The following FNIP2 variants were observed in gnomAD, a reference collection of about 807,000 sequenced individuals.
The protein encoded by FNIP2 is folliculin interacting protein 2.
In FNIP2, 32 loss-of-function variants were observed where a neutral mutation model predicts 108.7. The observed-to-expected ratio is 0.29, with a 90% confidence interval of 0.22 to 0.40. The LOEUF (loss-of-function observed/expected upper bound fraction) is 0.40. Among genes scored for constraint, FNIP2 ranks in the 10% least tolerant of loss-of-function variants. FNIP2 has a pLI of 1.00. For synonymous variants in FNIP2, 480 were observed against 496.7 expected (o/e 0.97, Z 0.45); for missense variants, 1,202 against 1,381.6 (o/e 0.87, Z 2.06).
At chr4:158,893,748 A>G (rs1782444209) in intron 15 of FNIP2, 1 of 1,492,044 alleles carries the variant, frequency 6.7e-7, no homozygotes, top group Non-Finnish European at 9.2e-7. Flanking sequence ...ATTAGACTTC[A>G]TAGTTTACTT....
intron 14 of FNIP2, among the ~76,000 whole-genome samples, chr4:158,877,062 CCT>C (rs1430425917): frequency 6.6e-6 from 1 of 152,086 alleles, no homozygotes; most frequent in East Asian, 1.9e-4. Flanking sequence ...AGCTACCAAC[CCT>C]CTCTCATTTT....
intron 14 of FNIP2, among the ~76,000 whole-genome samples, chr4:158,873,367 G>GTTTTGT (rs983460160): frequency 5.3e-5 from 8 of 151,496 alleles, no homozygotes; most frequent in South Asian, 2.1e-4. Flanking sequence ...TTTTTGTTTT[G>GTTTTGT]TTTTGTTTTT....
At chr4:158,872,430 A>C in intron 14 of FNIP2, 1 of 985,306 alleles carries the variant, frequency 1.0e-6, no homozygotes, top group Non-Finnish European at 1.2e-6. Context: ...CCTTCCTTTT[A>C]GAAGGAGTGT....
chr4:158,831,691 G>A (rs1778492314), intron 3 of FNIP2, among the ~76,000 whole-genome samples, 170 bp from the exon 4 acceptor site: 1 of 152,150 alleles, frequency 6.6e-6, no homozygotes, highest in Non-Finnish European at 1.5e-5. Flanking sequence ...TACTTTGGGG[G>A]GGAAAATAGG....
intron 7 of FNIP2, among the ~76,000 whole-genome samples, chr4:158,842,964 A>ACAAT (rs1779208348): frequency 6.6e-6 from 1 of 152,192 alleles, no homozygotes; most frequent in African/African-American, 2.4e-5. Flanking sequence ...TTCCTGCTAG[A>ACAAT]CAATAATTAC....
At chr4:158,871,600 GC>G in intron 14 of FNIP2, 1 of 985,322 alleles carries the variant, frequency 1.0e-6, no homozygotes, top group South Asian at 4.7e-5. Flanking sequence ...TGAGGATAGG[GC>G]CATCAGAAGC....
rs10589 is a variant in FNIP2 at position 158,906,161 on chromosome 4, T to A, written c.*1617T>A. 6.6e-6 allele frequency: 1 copy of A among 152,052 alleles called. No individual in the cohort carries two copies. Among genetic ancestry groups the A allele is most frequent in the Non-Finnish European group, 1.5e-5 (1 of 67,972 alleles). The allele number at this position is 152,052 out of a possible 1,614,324, so 9.4% of individuals were successfully genotyped here. A position where few individuals can be genotyped will look rare whatever the true frequency, so the allele number is the denominator to read the frequency against. On this transcript the variant is annotated 3_prime_UTR_variant, in exon 17 of 17. Transcript: ENST00000264433. Reference sequence around the variant, plus strand: ...TTTCCTATTTCCTTTTGCCTAGCATTTGACTTTGGTGTTTTAAGTTCTGTA... The same window carrying A: ...TTTCCTATTTCCTTTTGCCTAGCATATGACTTTGGTGTTTTAAGTTCTGTA...
chr4:158,867,018 A>G (rs1780621894), intron 12 of FNIP2, among the ~76,000 whole-genome samples: 1 of 152,218 alleles, frequency 6.6e-6, no homozygotes, highest in Non-Finnish European at 1.5e-5. Flanking sequence ...TAGTTTTAAT[A>G]GTTAGGCACT....
Position 158,830,248 on chromosome 4 carries a change from CTTTTTTTT to C in FNIP2, c.381+1041_381+1048del, listed in dbSNP as rs35746599. ...GAGCAGGGCTGATAGATTTATCTTT[CTTTTTTTT>C]TTTTTTTTTTTTTTTTTGAGACGGA... On this transcript the variant is annotated intron_variant, in intron 3 of 16. Coordinates refer to ENST00000264433, the MANE Select transcript of FNIP2 (RefSeq NM_020840.3). 1.1e-4 allele frequency among the ~76,000 whole-genome samples: 7 copies of C among 63,980 alleles called. No homozygotes were observed. The South Asian group carries it at 2.3e-3, about 21-fold the overall frequency. 42.0% of individuals were successfully genotyped at this position (63,980 alleles called of 152,430 possible).
chr4:158,841,826 C>G (rs753767309), intron 7 of FNIP2, among the ~76,000 whole-genome samples: 1 of 152,248 alleles, frequency 6.6e-6, no homozygotes, highest in African/African-American at 2.4e-5. Context: ...TCCCCAGCAA[C>G]GGGATATCCC....
intron 14 of FNIP2, among the ~76,000 whole-genome samples, chr4:158,874,228 AT>A (rs1781125356): frequency 6.6e-6 from 1 of 152,226 alleles, no homozygotes; most frequent in East Asian, 1.9e-4. Context: ...CTAAGTTTGA[AT>A]CATGGTTCAC....
intron 1 of FNIP2, chr4:158,806,105 A>T: frequency 9.2e-7 from 1 of 1,087,058 alleles, no homozygotes; most frequent in Non-Finnish European, 1.1e-6. Context: ...CTTTTCTCAC[A>T]TACTGTATAG....
chr4:158,881,641 C>A (rs933654155), intron 14 of FNIP2, among the ~76,000 whole-genome samples: 1 of 152,196 alleles, frequency 6.6e-6, no homozygotes, highest in Non-Finnish European at 1.5e-5. Context: ...TTGGTGGAGA[C>A]GGGGTTTCAC....
intron 7 of FNIP2, 43 bp downstream of exon 7, chr4:158,835,519 A>T (rs1340487846): frequency 6.4e-7 from 1 of 1,566,180 alleles, no homozygotes; most frequent in South Asian, 1.1e-5. Context: ...AGAGTGAACT[A>T]TCTACAGTGG....
chr4:158,800,723 T>C (rs191968134), intron 1 of FNIP2, among the ~76,000 whole-genome samples: 159 of 152,346 alleles, frequency 1.0e-3, no homozygotes, highest in African/African-American at 3.6e-3. Context: ...GTTTTAGTTT[T>C]ATAAAACTTT....
chr4:158,836,332 G>A (rs963512192), intron 7 of FNIP2: 4 of 152,152 alleles, frequency 2.6e-5, no homozygotes, highest in Admixed American at 2.6e-4. Context: ...AACCCACTCT[G>A]TGCAACTCTG....
intron 10 of FNIP2, among the ~76,000 whole-genome samples, chr4:158,860,918 T>C (rs1289385006): frequency 6.6e-6 from 1 of 152,096 alleles, no homozygotes; most frequent in Non-Finnish European, 1.5e-5. Context: ...CCTCCCAAAG[T>C]GCTGGGATTA....
intron 7 of FNIP2, chr4:158,836,595 T>C (rs1460305401): frequency 6.6e-6 from 1 of 151,294 alleles, no homozygotes; most frequent in Non-Finnish European, 1.5e-5. Context: ...TGAGGTCAGT[T>C]TGAGACCAGC....
At chr4:158,884,496 T>C (rs1434682831) in intron 14 of FNIP2, among the ~76,000 whole-genome samples, 1 of 152,138 alleles carries the variant, frequency 6.6e-6, no homozygotes, top group Non-Finnish European at 1.5e-5. Context: ...GCAGTGCATG[T>C]GGGAAGGTTT....
Sources: allele counts gnomAD v4.1 joint callset (sites outside exome capture counted in the v4.1 genomes callset), GRCh38; gene constraint gnomAD v4.1.1; transcripts MANE v1.5; gene names NCBI Gene and HGNC (gene_info 2026-07-23, HGNC 2026-07-21).